Variants in ERI3 observed in about 807,000 individuals in gnomAD.
The protein encoded by ERI3 is ERI1 exoribonuclease family member 3, also known as ERI1 exoribonuclease 3.
In ERI3, 18 loss-of-function variants were observed where a neutral mutation model predicts 44.4. That is an observed-to-expected ratio of 0.41 (90% CI 0.28 to 0.60). ERI3 has a LOEUF of 0.60. ERI3 is among the 20% of genes least tolerant of loss of function. The pLI is 0.36. For missense variants in ERI3, 294 were observed against 435.5 expected (o/e 0.68, Z 2.89); for synonymous variants, 183 against 164.8 (o/e 1.11, Z -0.84).
At chr1:44,284,113 T>A (rs1238067330) in intron 7 of ERI3, 1 of 469,082 alleles carries the variant, frequency 2.1e-6, no homozygotes, top group Admixed American at 2.4e-5. Flanking sequence ...CCTAGTGGAC[T>A]GGGCCTCCTG....
chr1:44,244,462 CT>C (rs1157857289), intron 8 of ERI3, among the ~76,000 whole-genome samples: 1 of 152,212 alleles, frequency 6.6e-6, no homozygotes, highest in Admixed American at 6.5e-5. Context: ...TTTGTGAGCT[CT>C]GTGGTGACAG....
chr1:44,255,358 C>T (rs978133726), intron 7 of ERI3, among the ~76,000 whole-genome samples: 2 of 152,210 alleles, frequency 1.3e-5, no homozygotes, highest in East Asian at 3.9e-4. Context: ...CTCTGAAACC[C>T]TTCTCCCTTC....
At chr1:44,268,788 G>A (rs551033797) in intron 7 of ERI3, among the ~76,000 whole-genome samples, 17 of 152,312 alleles carry the variant, frequency 1.1e-4, no homozygotes, top group African/African-American at 4.1e-4. Context: ...AAAGACCAGA[G>A]GAAGGGCCTA....
At chr1:44,288,315 G>A (rs1032420743) in intron 6 of ERI3, among the ~76,000 whole-genome samples, 1 of 152,086 alleles carries the variant, frequency 6.6e-6, no homozygotes, top group African/African-American at 2.4e-5. Flanking sequence ...AGACTCACTC[G>A]CAGGAATTCA....
In ERI3 at chr1:44,339,116, G is replaced by A; in HGVS notation, c.418C>T (p.Pro140Ser). 1 of 1,614,102 alleles carries A rather than the reference G, an allele frequency of 6.2e-7. No individual in the cohort carries two copies. ...ASMAAMVSFP[P>S]QRYHYFLVLD... The stretch of plus-strand genomic sequence containing the variant: ...ACTAAAAAGTAGTGATACCTCTGGG[G>A]AGGGAAGGACACCATTGCCGCCATG... The change falls in exon 3 of 9, where the codon CCC becomes TCC. Residue 140 changes from proline (P) to serine (S), a missense_variant. By Grantham distance (74) the Pro-to-Ser change is moderately conservative (BLOSUM62 -1). This residue lies in a region of ERI3 where 187 missense variants were observed against 338.6 expected (regional missense o/e 0.55). Transcript: ENST00000372257.
At chr1:44,318,064 T>C (rs141709383) in intron 4 of ERI3, among the ~76,000 whole-genome samples, 44 of 152,340 alleles carry the variant, frequency 2.9e-4, no homozygotes, top group African/African-American at 1.0e-3. Flanking sequence ...TGAAGCTTTC[T>C]AGAGAGAAGA....
chr1:44,267,940 A>T (rs1645020462), intron 7 of ERI3, among the ~76,000 whole-genome samples: 1 of 152,246 alleles, frequency 6.6e-6, no homozygotes, highest in Admixed American at 6.5e-5. Context: ...AAGAAGTCAC[A>T]GCAGGCACTA....
chr1:44,277,514 C>G (rs1323957229), intron 7 of ERI3, among the ~76,000 whole-genome samples: 1 of 152,196 alleles, frequency 6.6e-6, no homozygotes, highest in Non-Finnish European at 1.5e-5. Context: ...CTCATTTACT[C>G]TTTAGTTCAC....
intron 7 of ERI3, among the ~76,000 whole-genome samples, chr1:44,263,432 T>C (rs1644931409): frequency 6.6e-6 from 1 of 152,212 alleles, no homozygotes; most frequent in South Asian, 2.1e-4. Flanking sequence ...AAGGTCACAG[T>C]AGGGTTCCAG....
intron 2 of ERI3, among the ~76,000 whole-genome samples, chr1:44,347,327 G>C (rs952461070): frequency 6.6e-6 from 1 of 152,130 alleles, no homozygotes; most frequent in Non-Finnish European, 1.5e-5. Flanking sequence ...AGAATTAAAA[G>C]AACGGCAGCA....
At chr1:44,324,272 T>C (rs1296570684) in intron 3 of ERI3, among the ~76,000 whole-genome samples, 1 of 152,184 alleles carries the variant, frequency 6.6e-6, no homozygotes, top group Non-Finnish European at 1.5e-5. Context: ...GGGGAAATGA[T>C]CTGCCTAAGA....
chr1:44,259,723 C>CACACACACACACAA (rs1394413620), intron 7 of ERI3, among the ~76,000 whole-genome samples: 48 of 147,598 alleles, frequency 3.3e-4, no homozygotes, highest in African/African-American at 1.0e-3. Flanking sequence ...CACACACACA[C>CACACACACACACAA]AAATTAGCCA....
At chr1:44,314,734 T>C (rs1167200236) in intron 4 of ERI3, among the ~76,000 whole-genome samples, 1 of 152,180 alleles carries the variant, frequency 6.6e-6, no homozygotes, top group Non-Finnish European at 1.5e-5. Context: ...CTCCTCCTTT[T>C]ATTTAGTCAA....
At position 44,228,271 on chromosome 1, in the gene ERI3, T is replaced by C. The variant is rs1168925811; in HGVS notation, c.932-6631A>G. On this transcript the variant is annotated intron_variant, in intron 8 of 8. Transcript: ENST00000372257. The surrounding 1 kb of genome is among the most constrained non-coding windows in gnomAD (Gnocchi z 4.3). ...TCCACCCCACCGAGGTGCCTGGAGG[T>C]GCCACAGGCTGATGGTGAAGGATGA... 6.6e-6 allele frequency among the ~76,000 whole-genome samples: 1 copy of C among 151,996 alleles called. No homozygotes were observed. The highest frequency in any genetic ancestry group is 1.9e-4 in the East Asian group (1 of 5,186).
In ERI3 at chr1:44,272,936, T is replaced by G. The variant is rs543718126; in HGVS notation, c.831+11899A>C. Among the ~76,000 whole-genome samples, 61 of 152,264 alleles carry G rather than the reference T, an allele frequency of 4.0e-4. 1 individual carries two copies. Among genetic ancestry groups the G allele is most frequent in the African/African-American group, 1.4e-3 (59 of 41,554 alleles). The stretch of plus-strand genomic sequence containing the variant: ...TTTACTATAGTTTTTTTTTCCATTA[T>G]GTACTTTATCATTATATACCCAAAA... On this transcript the variant is annotated intron_variant, in intron 7 of 8. Coordinates refer to ENST00000372257, the MANE Select transcript of ERI3 (RefSeq NM_024066.3).
intron 8 of ERI3, 107 bp downstream of exon 8, chr1:44,247,832 T>G: frequency 2.6e-4 from 175 of 667,060 alleles, no homozygotes; most frequent in East Asian, 8.7e-4. Flanking sequence ...GAGAGCCCTG[T>G]TGGGGCACTG....
intron 8 of ERI3, among the ~76,000 whole-genome samples, chr1:44,233,793 T>C (rs1308819631): frequency 1.3e-5 from 2 of 152,212 alleles, no homozygotes; most frequent in Non-Finnish European, 2.9e-5. Context: ...CCCTTTTCCA[T>C]TGGCTAGTAC....
At chr1:44,310,963 G>GCGCGTGCGCGCGCGCACACACACA (rs1373873768) in intron 5 of ERI3, among the ~76,000 whole-genome samples, 1 of 123,202 alleles carries the variant, frequency 8.1e-6, no homozygotes, top group Non-Finnish European at 1.7e-5. Context: ...GCGCGCGCGC[G>GCGCGTGCGCGCGCGCACACACACA]CACACACACA....
At chr1:44,353,095 T>C in intron 1 of ERI3, 170 bp from the exon 2 acceptor site, 7 of 985,446 alleles carry the variant, frequency 7.1e-6, no homozygotes, top group Non-Finnish European at 7.2e-6. Flanking sequence ...ACTACATTTG[T>C]AATGATTTTC....
Sources: allele counts gnomAD v4.1 joint callset (sites outside exome capture counted in the v4.1 genomes callset), GRCh38; gene constraint gnomAD v4.1.1; regional missense constraint gnomAD v4.1.1; non-coding constraint Gnocchi (gnomAD v3.1); transcripts MANE v1.5; gene names NCBI Gene and HGNC (gene_info 2026-07-23, HGNC 2026-07-21).